Variants in APC2 observed in about 807,000 individuals in gnomAD.
APC2 encodes adenomatous polyposis coli protein 2.
In APC2, 41 loss-of-function variants were observed where a neutral mutation model predicts 72.5. That is an observed-to-expected ratio of 0.57 (90% CI 0.44 to 0.73). The LOEUF is 0.73. APC2 is among the 30% of genes least tolerant of loss of function. The pLI is 0.00. For synonymous variants in APC2, 1,898 were observed against 1,612.0 expected, an observed-to-expected ratio of 1.18 and a Z score of -4.25; for missense variants, 3,729 against 3,403.4, an observed-to-expected ratio of 1.10 and a Z score of -2.38.
At position 1,465,460 on chromosome 19, in the gene APC2, T is replaced by C; in HGVS notation, c.2159T>C (p.Val720Ala). 1 of 1,533,026 alleles carries C rather than the reference T, an allele frequency of 6.5e-7. No homozygotes were observed. Among genetic ancestry groups the C allele is most frequent in the Non-Finnish European group, 8.7e-7 (1 of 1,145,128 alleles). The allele number at this position is 1,533,026 out of a possible 1,614,324, so 95.0% of individuals were successfully genotyped here. A position where few individuals can be genotyped will look rare whatever the true frequency, so the allele number is the denominator to read the frequency against. The change falls in exon 15 of 15, where the codon GTG (valine) becomes GCG (alanine). Residue 720 changes from valine to alanine, a missense_variant. By Grantham distance (64) the Val-to-Ala change is moderately conservative (BLOSUM62 0). Transcript: ENST00000590469. ...GGCAGCTGCGTGCCCAGCCTGTACG[T>C]GCGCAAGCAGCGGGCGCTGGAGGCC... The part of the protein sequence containing the change: ...SPGSCVPSLY[V>A]RKQRALEAEL...
intron 9 of APC2, 89 bp downstream of exon 9, chr19:1,457,332 T>C (rs1216446093): frequency 1.6e-5 from 23 of 1,436,000 alleles, no homozygotes; most frequent in Non-Finnish European, 2.0e-5. Context: ...CTCCAGCCTT[T>C]GCTGCCTGCC....
In APC2 at chr19:1,455,371, C is replaced by T. The variant is rs758303503; in HGVS notation, c.523-13C>T. On this transcript the variant is annotated splice_polypyrimidine_tract_variant and intron_variant, in intron 5 of 14. Coordinates refer to ENST00000590469, the MANE Select transcript of APC2 (RefSeq NM_005883.3). ...GCGCCCCTCACCGTGGCCCGCCCGCCTGCCTTTGCCAGCAGTTCTCGATGC... is the reference window on the plus strand; with the variant it reads ...GCGCCCCTCACCGTGGCCCGCCCGCTTGCCTTTGCCAGCAGTTCTCGATGC... The T allele has an allele frequency of 1.2e-6, 2 of 1,606,182 alleles. No individual in the cohort carries two copies. The highest frequency in any genetic ancestry group is 1.7e-6 in the Non-Finnish European group (2 of 1,176,830).
Position 1,465,577 on chromosome 19 carries a change from C to G in APC2, c.2276C>G (p.Pro759Arg). The part of the protein sequence containing the change: ...AAEAATKKPL[P>R]PLRHLDGLAQ... The stretch of plus-strand genomic sequence containing the variant: ...GAGGCCGCCACTAAGAAGCCGCTGC[C>G]GCCCCTGCGACACCTGGACGGCCTG... Residue 759 changes from proline to arginine, a missense_variant, in exon 15 of 15, where the codon CCG (proline) becomes CGG (arginine). Pro to Arg is a moderately radical substitution (Grantham distance 103, BLOSUM62 -2). Coordinates refer to ENST00000590469, the MANE Select transcript of APC2 (RefSeq NM_005883.3). 6.4e-7 allele frequency: 1 copy of G among 1,565,594 alleles called. No homozygotes were observed. Among genetic ancestry groups the G allele is most frequent in the Non-Finnish European group, 8.6e-7 (1 of 1,157,476 alleles).
In APC2 at chr19:1,469,889, C is replaced by A. The variant is rs559460131; in HGVS notation, c.6588C>A (p.Val2196=). Residue 2196 remains valine, a synonymous_variant, in exon 15 of 15, where the codon GTC becomes GTA. Transcript: ENST00000590469. ...ACGCCGTGGTCCAGACCGAGGAGGT[C>A]GCCGCCCCCAAGACCAACTCCAGCA... The part of the protein sequence containing the change: ...TSDAVVQTEE[V]AAPKTNSSTS... 614 of 1,523,588 alleles carry A rather than the reference C, an allele frequency of 4.0e-4. 2 individuals carry two copies. In the African/African-American group the frequency reaches 4.3e-3, roughly 11 times the overall value. The allele number at this position is 1,523,588 out of a possible 1,614,324, so 94.4% of individuals were successfully genotyped here.
chr19:1,450,385 G>C (rs916081489), intron 1 of APC2, 47 bp downstream of exon 1: 2 of 982,932 alleles, frequency 2.0e-6, no homozygotes, highest in South Asian at 9.4e-5. Flanking sequence ...TCCGCCTCGC[G>C]TCGAGGTTTC....
chr19:1,459,231 G>A (rs1460467710), intron 10 of APC2, among the ~76,000 whole-genome samples: 1 of 152,102 alleles, frequency 6.6e-6, no homozygotes, highest in Non-Finnish European at 1.5e-5. Context: ...GACAGACAGG[G>A]TCTTGCTCTG....
chr19:1,465,303 G>A lies in APC2; in HGVS notation c.2002G>A (p.Ala668Thr), dbSNP rs940999643. Residue 668 changes from alanine (A) to threonine (T), a missense_variant, in exon 15 of 15, where the codon GCC (alanine) becomes ACC (threonine). Transcript: ENST00000590469. ...CCAGGAGCTGCTGTGGGACCTGGGC[G>A]CCGTGGGCATGCTGCGTAATCTGGT... Reference protein sequence around the residue: ...RDQELLWDLGAVGMLRNLVHS... With the variant: ...RDQELLWDLGTVGMLRNLVHS... 2.5e-6 allele frequency: 4 copies of A among 1,599,626 alleles called. No individual in the cohort carries two copies. The highest frequency in any genetic ancestry group is 2.2e-5 in the South Asian group (2 of 90,624).
At chr19:1,464,914 T>G (rs1231175489) in intron 14 of APC2, among the ~76,000 whole-genome samples, 2 of 150,784 alleles carry the variant, frequency 1.3e-5, no homozygotes, top group Non-Finnish European at 2.9e-5. Flanking sequence ...ATTACAGGTG[T>G]GATCCACTGC....
Position 1,456,354 on chromosome 19 carries a change from G to C in APC2, c.766G>C (p.Glu256Gln). The change falls in exon 8 of 15, where the codon GAG (glutamate) becomes CAG (glutamine). Residue 256 changes from glutamate to glutamine, a missense_variant. Transcript: ENST00000590469. Reference protein sequence around the residue: ...SVPVDEDPETEVPTHPEDGTP... With the variant: ...SVPVDEDPETQVPTHPEDGTP... Reference sequence around the variant, plus strand: ...GCCGGTGGACGAGGACCCCGAGACAGAGGTCCCCACACACCCTGAGGATGG... The same window carrying C: ...GCCGGTGGACGAGGACCCCGAGACACAGGTCCCCACACACCCTGAGGATGG... 1 of 1,609,596 alleles carries C rather than the reference G, an allele frequency of 6.2e-7. No homozygotes were observed. The highest frequency in any genetic ancestry group is 8.5e-7 in the Non-Finnish European group (1 of 1,178,818).
At chr19:1,458,536 C>A (rs945308692) in intron 10 of APC2, 2 of 158,526 alleles carry the variant, frequency 1.3e-5, no homozygotes, top group African/African-American at 4.8e-5. Context: ...AGTTCGAGAC[C>A]AGGCTGGGCA....
chr19:1,452,371 A>T lies in APC2; in HGVS notation c.-18-613A>T, dbSNP rs1341321165. On this transcript the variant is annotated intron_variant, in intron 1 of 14. Coordinates refer to ENST00000590469, the MANE Select transcript of APC2 (RefSeq NM_005883.3). This position sits in a 1 kb window ranked among gnomAD's most constrained non-coding sequence, Gnocchi z 5.1. Reference sequence around the variant, plus strand: ...GGAGGGTCGTGGGGCTGCTGCGGTGATGGCGGTGGGCTTGGGTCCATCTGT... The same window carrying T: ...GGAGGGTCGTGGGGCTGCTGCGGTGTTGGCGGTGGGCTTGGGTCCATCTGT... The T allele has an allele frequency of 1.3e-5, 2 of 155,932 alleles. No homozygotes were observed. Among genetic ancestry groups the T allele is most frequent in the African/African-American group, 4.8e-5 (2 of 41,450 alleles). 9.7% of individuals were successfully genotyped at this position (155,932 alleles called of 1,614,324 possible).
upstream of APC2, among the ~76,000 whole-genome samples, chr19:1,448,163 C>T (rs2083703324): frequency 6.6e-6 from 1 of 152,082 alleles, no homozygotes; most frequent in Non-Finnish European, 1.5e-5. Flanking sequence ...ACCTGTCAAA[C>T]CCCACCACGC....
In APC2 at chr19:1,465,345, A is replaced by G. The variant is rs1366631307; in HGVS notation, c.2044A>G (p.Met682Val). The G allele has an allele frequency of 3.8e-6, 6 of 1,589,278 alleles. No homozygotes were observed. Among genetic ancestry groups the G allele is most frequent in the Non-Finnish European group, 4.3e-6 (5 of 1,174,480 alleles). Residue 682 changes from methionine (M) to valine (V), a missense_variant, in exon 15 of 15, where the codon ATG becomes GTG. Transcript: ENST00000590469. ...TAATCTGGTGCACTCCAAGCACAAGATGATCGCCATGGGCAGCGCCGCCGC... is the reference window on the plus strand; with the variant it reads ...TAATCTGGTGCACTCCAAGCACAAGGTGATCGCCATGGGCAGCGCCGCCGC... ...LRNLVHSKHK[M>V]IAMGSAAALR...
rs1283480081 is a variant in APC2 at position 1,467,949 on chromosome 19, GCC to G, written c.4651_4652del (p.Pro1551ValfsTer20). 1 of 1,586,846 alleles carries G rather than the reference GCC, an allele frequency of 6.3e-7. No individual in the cohort carries two copies. The highest frequency in any genetic ancestry group is 2.3e-5 in the East Asian group (1 of 43,574). ...TCCGCAGGGCCGGAAGGAGGCCCCT[GCC>G]CCGTCCAAGGCTGCACCAGCTGCCC... ...ERPQGRKEAPAPSKAAPAAPP... is the reference protein window; with the variant it reads ...ERPQGRKEAPXPSKAAPAAPP... On this transcript the variant is annotated frameshift_variant, in exon 15 of 15. Transcript: ENST00000590469. LOFTEE classifies it low-confidence loss of function (END_TRUNC).
In APC2 at chr19:1,467,441, G is replaced by T; in HGVS notation, c.4140G>T (p.Pro1380=). The T allele has an allele frequency of 1.4e-6, 2 of 1,476,814 alleles. No individual in the cohort carries two copies. The highest frequency in any genetic ancestry group is 1.3e-5 in the South Asian group (1 of 77,492). The allele number at this position is 1,476,814 out of a possible 1,614,324, so 91.5% of individuals were successfully genotyped here. A position where few individuals can be genotyped will look rare whatever the true frequency, so the allele number is the denominator to read the frequency against. The change falls in exon 15 of 15, where the codon CCG becomes CCT. Residue 1380 remains proline, a synonymous_variant. Coordinates refer to ENST00000590469, the MANE Select transcript of APC2 (RefSeq NM_005883.3). The stretch of plus-strand genomic sequence containing the variant: ...CCGTCTACATGTTGGTGCCCGCCCC[G>T]GCCCCGGCCCAGGAGGACGACTCCT... ...PVPVYMLVPA[P]APAQEDDSCT...
In APC2 at chr19:1,452,940, C is replaced by T; in HGVS notation, c.-18-44C>T. 6.3e-7 allele frequency: 1 copy of T among 1,591,892 alleles called. No individual in the cohort carries two copies. The highest frequency in any genetic ancestry group is 8.6e-7 in the Non-Finnish European group (1 of 1,169,246). ...GTCTGTCCGGAAGGCATCACCGCGC[C>T]CTCCCCAGACCATCAGCTGAACCCT... On this transcript the variant is annotated intron_variant, in intron 1 of 14. Transcript: ENST00000590469. The surrounding 1 kb of genome is among the most constrained non-coding windows in gnomAD (Gnocchi z 5.1).
At chr19:1,457,530 T>C (rs2083854213) in intron 9 of APC2, 1 of 533,220 alleles carries the variant, frequency 1.9e-6, no homozygotes. Context: ...TTTTTGCAGT[T>C]GATCGCAAAG....
intron 11 of APC2, among the ~76,000 whole-genome samples, 194 bp downstream of exon 11, chr19:1,460,514 G>A (rs1250696103): frequency 6.6e-6 from 1 of 152,240 alleles, no homozygotes; most frequent in Non-Finnish European, 1.5e-5. Flanking sequence ...CTCCCCACCT[G>A]GCGGTGTCCT....
chr19:1,462,216 G>A lies in APC2; in HGVS notation c.1853+39G>A, dbSNP rs1022336240. 43 of 1,499,120 alleles carry A rather than the reference G, an allele frequency of 2.9e-5. No individual in the cohort carries two copies. The African/African-American group carries it at 3.1e-4, about 11-fold the overall frequency. The allele number at this position is 1,499,120 out of a possible 1,614,324, so 92.9% of individuals were successfully genotyped here. On this transcript the variant is annotated intron_variant, in intron 14 of 14. Transcript: ENST00000590469. ...CCCCCACCCGCACACAGGCAGCTGCGCTCGGGGCGGGCACAGGGCTGGGCT... is the reference window on the plus strand; with the variant it reads ...CCCCCACCCGCACACAGGCAGCTGCACTCGGGGCGGGCACAGGGCTGGGCT...
Sources: allele counts gnomAD v4.1 joint callset (sites outside exome capture counted in the v4.1 genomes callset), GRCh38; gene constraint gnomAD v4.1.1; non-coding constraint Gnocchi (gnomAD v3.1); transcripts MANE v1.5; gene names NCBI Gene and HGNC (gene_info 2026-07-23, HGNC 2026-07-21).